Variants in C9orf72 observed in about 807,000 individuals in gnomAD.
C9orf72 encodes C9orf72-SMCR8 complex subunit, also known as guanine nucleotide exchange factor C9orf72.
A neutral mutation model predicts 51.6 loss-of-function variants in C9orf72; 44 were observed. That is an observed-to-expected ratio of 0.85 (90% CI 0.67 to 1.10). C9orf72 has a LOEUF of 1.10. C9orf72 is among the 50% of genes least tolerant of loss of function. C9orf72 has a pLI of 0.00. For missense variants in C9orf72, 607 were observed against 570.6 expected, an observed-to-expected ratio of 1.06 and a Z score of -0.65; for synonymous variants, 213 against 194.2, an observed-to-expected ratio of 1.10 and a Z score of -0.81.
intron 8 of C9orf72, among the ~76,000 whole-genome samples, chr9:27,551,884 A>C (rs912708785): frequency 6.6e-6 from 1 of 152,144 alleles, no homozygotes; most frequent in African/African-American, 2.4e-5. Flanking sequence ...TCTCATAGAG[A>C]TCTTTCACCT....
intron 2 of C9orf72, among the ~76,000 whole-genome samples, chr9:27,566,404 A>G (rs1819467346): frequency 6.6e-6 from 1 of 152,186 alleles, no homozygotes; most frequent in Middle Eastern, 3.2e-3. Context: ...AAGGCTCCCA[A>G]GAAGAATCCA....
In C9orf72 at chr9:27,556,054, T is replaced by TA. The variant is rs1325926689; in HGVS notation, c.1091+506_1091+507insT. Among the ~76,000 whole-genome samples the TA allele has an allele frequency of 5.9e-3, 884 of 150,252 alleles. 10 individuals are homozygous for TA. Among genetic ancestry groups the TA allele is most frequent in the Non-Finnish European group, 9.8e-3 (663 of 67,538 alleles). ...GAATTTACTGTTCAGGCTTTTTTTT[T>TA]TAAAAAAAAATAAGAAGTGAATAAC... On this transcript the variant is annotated intron_variant, in intron 8 of 10. Transcript: ENST00000380003.
At chr9:27,562,850 T>C (rs1442873479) in intron 3 of C9orf72, among the ~76,000 whole-genome samples, 1 of 152,102 alleles carries the variant, frequency 6.6e-6, no homozygotes, top group African/African-American at 2.4e-5. Flanking sequence ...TTTGTATTTT[T>C]AGTAGAGACG....
Position 27,561,628 on chromosome 9 carries a change from CATT to C in C9orf72, c.619_621del (p.Asn207del), listed in dbSNP as rs113299382. On this transcript the variant is annotated inframe_deletion, in exon 5 of 11. Transcript: ENST00000380003. ...TGACAGCTGTCACCAATATCATCAT[CATT>C]GAGTACTGTATCAGCTATCTAAAAT... 3.0e-5 allele frequency: 49 copies of C among 1,608,344 alleles called. No homozygotes were observed. The highest frequency in any genetic ancestry group is 8.0e-5 in the African/African-American group (6 of 74,676).
Position 27,566,990 on chromosome 9 carries a change from A to G in C9orf72, c.131T>C (p.Ile44Thr). The G allele has an allele frequency of 6.2e-7, 1 of 1,614,116 alleles. No individual in the cohort carries two copies. Among genetic ancestry groups the G allele is most frequent in the Non-Finnish European group, 8.5e-7 (1 of 1,179,950 alleles). Residue 44 changes from isoleucine (I) to threonine (T), a missense_variant, in exon 2 of 11, where the codon ATT becomes ACT. By Grantham distance (89) the Ile-to-Thr change is moderately conservative. Transcript: ENST00000380003. ...DNILGPRVRH[I>T]WAPKTEQVLL... The stretch of plus-strand genomic sequence containing the variant: ...TACCTGTTCTGTCTTTGGAGCCCAA[A>G]TGTGCCTTACTCTAGGACCAAGAAT...
Position 27,556,710 on chromosome 9 carries a change from A to C in C9orf72, c.942T>G (p.Thr314=), listed in dbSNP as rs777628989. 6.2e-7 allele frequency: 1 copy of C among 1,614,022 alleles called. No individual in the cohort carries two copies. Residue 314 remains threonine, a synonymous_variant, in exon 8 of 11, where the codon ACT becomes ACG. Transcript: ENST00000380003. ...PTTHIDVDVN[T]VKQMPPCHEH... The stretch of plus-strand genomic sequence containing the variant: ...CATGACAGGGTGGCATCTGCTTCAC[A>C]GTATTGACATCCACATCTATGTGTG...
intron 8 of C9orf72, among the ~76,000 whole-genome samples, chr9:27,553,446 A>AAAC (rs1820949129): frequency 6.6e-6 from 1 of 152,222 alleles, no homozygotes; most frequent in African/African-American, 2.4e-5. Flanking sequence ...AGTTGACAAA[A>AAAC]AACAAGCAAT....
rs1030958976 is a variant in C9orf72, at chr9:27,546,999, T to C, written c.*1237A>G. On this transcript the variant is annotated 3_prime_UTR_variant, in exon 11 of 11. Transcript: ENST00000380003. The stretch of plus-strand genomic sequence containing the variant: ...TACTTCCAGAATTTTAAATAAAATA[T>C]TTATTTGTGTTTGTGTAACTACAAT... The C allele has an allele frequency of 4.6e-5, 7 of 152,536 alleles. No homozygotes were observed. Among genetic ancestry groups the C allele is most frequent in the African/African-American group, 1.4e-4 (6 of 41,454 alleles). The allele number at this position is 152,536 out of a possible 1,614,324, so 9.4% of individuals were successfully genotyped here.
chr9:27,548,916 C>T (rs896548989), intron 9 of C9orf72, among the ~76,000 whole-genome samples: 5 of 151,590 alleles, frequency 3.3e-5, no homozygotes, highest in African/African-American at 9.7e-5. Flanking sequence ...GCGATCTTGA[C>T]TCACTGCAAC....
At chr9:27,560,408 T>C (rs1587311469) in intron 5 of C9orf72, 109 bp from the exon 6 acceptor site, 3 of 786,870 alleles carry the variant, frequency 3.8e-6, no homozygotes, top group Admixed American at 3.2e-5. Flanking sequence ...TAGCTTTATA[T>C]GATAAACACC....
chr9:27,569,620 A>G (rs2131548131), intron 1 of C9orf72, among the ~76,000 whole-genome samples: 1 of 152,286 alleles, frequency 6.6e-6, no homozygotes, highest in East Asian at 1.9e-4. Flanking sequence ...GTGTAAGTAC[A>G]CTCTATGATG....
At chr9:27,568,528 T>G (rs1445912623) in intron 1 of C9orf72, among the ~76,000 whole-genome samples, 1 of 152,110 alleles carries the variant, frequency 6.6e-6, no homozygotes, top group Non-Finnish European at 1.5e-5. Flanking sequence ...AAAAGGTACA[T>G]CCTATGTGAT....
At chr9:27,568,324 G>A (rs892570948) in intron 1 of C9orf72, among the ~76,000 whole-genome samples, 1 of 152,140 alleles carries the variant, frequency 6.6e-6, no homozygotes, top group Non-Finnish European at 1.5e-5. Flanking sequence ...TAAATGGCTA[G>A]AATTTAAAAG....
chr9:27,570,070 G>A (rs978800240), intron 1 of C9orf72, among the ~76,000 whole-genome samples: 2 of 152,102 alleles, frequency 1.3e-5, no homozygotes, highest in African/African-American at 4.8e-5. Context: ...GTTTTAACAC[G>A]TGTATTTGTA....
intron 7 of C9orf72, 92 bp downstream of exon 7, chr9:27,558,399 A>G: frequency 1.3e-6 from 1 of 748,236 alleles, no homozygotes; most frequent in South Asian, 1.5e-5. Context: ...AATATGAGAT[A>G]CATTAAATGC....
intron 6 of C9orf72, chr9:27,559,676 A>G (rs7860526): frequency 0.19 from 29,475 of 152,094 alleles, 3,090 homozygotes; most frequent in Non-Finnish European, 0.23. Flanking sequence ...AAAATCCTTT[A>G]GTTTATTAGC....
In C9orf72 at chr9:27,558,482, A is replaced by G; in HGVS notation, c.855+9T>C. ...AAGTGGTTTCACTTGTGATAACTAGAAACTATACCTTTAGCAGGCCTTGTA... is the reference window on the plus strand; with the variant it reads ...AAGTGGTTTCACTTGTGATAACTAGGAACTATACCTTTAGCAGGCCTTGTA... On this transcript the variant is annotated intron_variant, in intron 7 of 10. Transcript: ENST00000380003. 1 of 1,446,606 alleles carries G rather than the reference A, an allele frequency of 6.9e-7. No homozygotes were observed. The allele number at this position is 1,446,606 out of a possible 1,614,324, so 89.6% of individuals were successfully genotyped here.
intron 3 of C9orf72, among the ~76,000 whole-genome samples, chr9:27,565,097 A>G (rs141595438): frequency 0.014 from 2,149 of 152,240 alleles, 32 homozygotes; most frequent in Non-Finnish European, 0.02. Flanking sequence ...ACGATACAAC[A>G]TAAGACTTAG....
In C9orf72 at chr9:27,548,433, T is replaced by TA. The variant is rs1554659312; in HGVS notation, c.1260-12_1260-11insT. 3.5e-6 allele frequency: 1 copy of TA among 285,976 alleles called. No individual in the cohort carries two copies. The highest frequency in any genetic ancestry group is 2.7e-4 in the Admixed American group (1 of 3,676). 17.7% of individuals were successfully genotyped at this position (285,976 alleles called of 1,614,324 possible). Reference sequence around the variant, plus strand: ...TTTTTTCCCTTCTGCCTAAAAATAATGGAAAAAAAAAAAAAAAAAAAAAAA... The same window carrying TA: ...TTTTTTCCCTTCTGCCTAAAAATAATAGGAAAAAAAAAAAAAAAAAAAAAAA... On this transcript the variant is annotated splice_polypyrimidine_tract_variant and intron_variant, in intron 10 of 10. Coordinates refer to ENST00000380003, the MANE Select transcript of C9orf72 (RefSeq NM_018325.5).
Sources: gnomAD v4.1 joint callset for allele counts (sites outside exome capture counted in the v4.1 genomes callset) on GRCh38, gnomAD v4.1.1 for gene constraint, MANE v1.5 for transcripts, NCBI Gene and HGNC (gene_info 2026-07-23, HGNC 2026-07-21) for gene names.